EYA1: variants seen among roughly 807,000 people sequenced by gnomAD.
EYA1 encodes the protein EYA transcriptional coactivator and phosphatase 1.
In EYA1, 16 loss-of-function variants were observed where a neutral mutation model predicts 82.0. That is an observed-to-expected ratio of 0.20 (90% CI 0.13 to 0.30). EYA1 has a LOEUF of 0.30. Among genes scored for constraint, EYA1 ranks in the 10% least tolerant of loss-of-function variants. The pLI is 1.00. For synonymous variants in EYA1, 261 were observed against 264.4 expected, an observed-to-expected ratio of 0.99 and a Z score of 0.12; for missense variants, 633 against 730.7, an observed-to-expected ratio of 0.87 and a Z score of 1.54.
At chr8:71,244,308 T>C (rs1812818947) in intron 12 of EYA1, among the ~76,000 whole-genome samples, 1 of 152,236 alleles carries the variant, frequency 6.6e-6, no homozygotes, top group Non-Finnish European at 1.5e-5. Context: ...GGACATATCT[T>C]AGTGGTGATT....
intron 7 of EYA1, among the ~76,000 whole-genome samples, chr8:71,309,549 T>C (rs1821107256): frequency 1.3e-5 from 2 of 152,266 alleles, no homozygotes; most frequent in Non-Finnish European, 2.9e-5. Context: ...TTAAGCTTAA[T>C]GTATATTTTC....
chr8:71,202,696 T>G (rs1175781041), intron 17 of EYA1, among the ~76,000 whole-genome samples: 1 of 152,160 alleles, frequency 6.6e-6, no homozygotes, highest in African/African-American at 2.4e-5. Flanking sequence ...ACTGGTAGAT[T>G]CTGGGGACAC....
chr8:71,343,704 G>A (rs1586465870), intron 3 of EYA1, among the ~76,000 whole-genome samples: 1 of 152,148 alleles, frequency 6.6e-6, no homozygotes, highest in Non-Finnish European at 1.5e-5. Flanking sequence ...CTTGTTTCAA[G>A]TATTCTGTCA....
intron 9 of EYA1, among the ~76,000 whole-genome samples, chr8:71,274,614 G>T (rs2128956604): frequency 6.6e-6 from 1 of 152,318 alleles, no homozygotes; most frequent in Non-Finnish European, 1.5e-5. Context: ...AACAGACATG[G>T]TTCCTGCCTT....
intron 2 of EYA1, among the ~76,000 whole-genome samples, chr8:71,427,392 C>T (rs1761516114): frequency 6.6e-6 from 1 of 152,048 alleles, no homozygotes; most frequent in African/African-American, 2.4e-5. Context: ...CAATTAAAAA[C>T]AAGAGAGAAT....
At chr8:71,362,221 C>A, upstream of EYA1, 1 of 942,980 alleles carries the variant, frequency 1.1e-6, no homozygotes, top group Middle Eastern at 5.8e-4. Flanking sequence ...CTTGTCCTAA[C>A]CTTATTGGTT....
chr8:71,257,260 CA>C, intron 11 of EYA1, among the ~76,000 whole-genome samples: 1 of 152,154 alleles, frequency 6.6e-6, no homozygotes, highest in Admixed American at 6.5e-5. Context: ...TATACATAAA[CA>C]AGATTGGCTA....
At chr8:71,434,724 G>C (rs766828324) in intron 2 of EYA1, among the ~76,000 whole-genome samples, 2 of 152,118 alleles carry the variant, frequency 1.3e-5, no homozygotes, top group Non-Finnish European at 2.9e-5. Flanking sequence ...TTGATAGTTA[G>C]GGATAGATGA....
chr8:71,357,750 A>G (rs1827025765), intron 1 of EYA1, among the ~76,000 whole-genome samples: 1 of 152,228 alleles, frequency 6.6e-6, no homozygotes, highest in South Asian at 2.1e-4. Context: ...GTATAATGTT[A>G]CGTAAAATTT....
chr8:71,455,989 A>T (rs2129184544), intron 2 of EYA1, among the ~76,000 whole-genome samples: 1 of 152,354 alleles, frequency 6.6e-6, no homozygotes, highest in East Asian at 1.9e-4. Context: ...AGATGACATG[A>T]TTGTATATGT....
At chr8:71,293,965 G>A (rs1819295221) in intron 9 of EYA1, among the ~76,000 whole-genome samples, 1 of 150,854 alleles carries the variant, frequency 6.6e-6, no homozygotes, top group African/African-American at 2.4e-5. Flanking sequence ...ATACAAATTG[G>A]GAAGGAAGAA....
intron 3 of EYA1, among the ~76,000 whole-genome samples, chr8:71,337,629 A>G (rs1824650499): frequency 6.6e-6 from 1 of 152,236 alleles, no homozygotes; most frequent in African/African-American, 2.4e-5. Flanking sequence ...GATCTTAATT[A>G]TCTCCATATA....
intron 2 of EYA1, among the ~76,000 whole-genome samples, chr8:71,447,414 C>A (rs1334976368): frequency 6.6e-6 from 1 of 152,148 alleles, no homozygotes; most frequent in Non-Finnish European, 1.5e-5. Context: ...ATTAGTGCTA[C>A]TTACTTCACA....
chr8:71,267,625 T>C (rs747041370), intron 11 of EYA1, among the ~76,000 whole-genome samples: 142 of 152,326 alleles, frequency 9.3e-4, no homozygotes, highest in Middle Eastern at 3.4e-3. Context: ...CTCTGCTCAC[T>C]GCAAGCTCCG....
chr8:71,279,189 T>C (rs938077950), intron 9 of EYA1, among the ~76,000 whole-genome samples: 1 of 152,200 alleles, frequency 6.6e-6, no homozygotes, highest in Admixed American at 6.5e-5. Flanking sequence ...TTATATTCTA[T>C]TTGCCATTAT....
chr8:71,489,456 C>T (rs895884500), intron 2 of EYA1, among the ~76,000 whole-genome samples: 1 of 152,130 alleles, frequency 6.6e-6, no homozygotes, highest in African/African-American at 2.4e-5. Flanking sequence ...AGAGATGCAT[C>T]ATAATGTACA....
At chr8:71,326,554 G>T (rs150467072) in intron 4 of EYA1, among the ~76,000 whole-genome samples, 1 of 152,270 alleles carries the variant, frequency 6.6e-6, no homozygotes, top group Non-Finnish European at 1.5e-5. Context: ...GCAGGGCGGG[G>T]GTGAGGGGAC....
At position 71,333,946 on chromosome 8, in the gene EYA1, A is replaced by C. The variant is rs141566483; in HGVS notation, c.202+151T>G. The C allele has an allele frequency of 7.4e-4, 478 of 641,928 alleles. No individual in the cohort carries two copies. The African/African-American group carries it at 7.9e-3, about 11-fold the overall frequency. The allele number at this position is 641,928 out of a possible 1,614,324, so 39.8% of individuals were successfully genotyped here. On this transcript the variant is annotated intron_variant, in intron 4 of 17. Coordinates refer to ENST00000340726, the MANE Select transcript of EYA1 (RefSeq NM_000503.6). The stretch of plus-strand genomic sequence containing the variant: ...GAATTGGTAATATGTGACTCTGAGC[A>C]AAGCTATTTTATATGTATATATACA...
chr8:71,274,896 G>A (rs528148729), intron 9 of EYA1, among the ~76,000 whole-genome samples: 1 of 152,354 alleles, frequency 6.6e-6, no homozygotes, highest in Non-Finnish European at 1.5e-5. Context: ...GAGCGAGAGA[G>A]AGAGAGTGAG....
Sources: gnomAD v4.1 joint callset for allele counts (sites outside exome capture counted in the v4.1 genomes callset) on GRCh38, gnomAD v4.1.1 for gene constraint, MANE v1.5 for transcripts, NCBI Gene and HGNC (gene_info 2026-07-23, HGNC 2026-07-21) for gene names.